NPHP4: variants seen among roughly 807,000 people sequenced by gnomAD.
The protein encoded by NPHP4 is nephrocystin 4, also known as nephrocystin-4.
Under a neutral mutation model 155.8 loss-of-function variants are expected in NPHP4, and 151 were observed. The ratio of observed to expected loss-of-function variants is 0.97; its 90% CI spans 0.85 to 1.11. The LOEUF (loss-of-function observed/expected upper bound fraction) is 1.11, where lower values mean the gene tolerates loss of function less well. Ranked by LOEUF, NPHP4 falls within the 50% of genes least tolerant of loss-of-function variation. The pLI, the probability that NPHP4 is intolerant of heterozygous loss-of-function variation, is 0.00. For synonymous variants in NPHP4, 845 were observed against 816.8 expected (o/e 1.03, Z -0.59); for missense variants, 1,956 against 1,925.7 (o/e 1.02, Z -0.29).
At chr1:5,914,263 A>C (rs1645344234) in intron 11 of NPHP4, among the ~76,000 whole-genome samples, 1 of 127,740 alleles carries the variant, frequency 7.8e-6, no homozygotes, top group African/African-American at 3.9e-5. Context: ...TATACAAAAA[A>C]AAAAAAAAAA....
At chr1:5,961,974 C>CAACT in intron 5 of NPHP4, 25 bp from the exon 6 acceptor site, 1 of 1,575,340 alleles carries the variant, frequency 6.3e-7, no homozygotes, top group Non-Finnish European at 8.7e-7. Flanking sequence ...ACAATGTGAT[C>CAACT]AACTGATAGC....
At chr1:5,964,804 G>C (rs1271198690) in intron 5 of NPHP4, among the ~76,000 whole-genome samples, 1 of 150,344 alleles carries the variant, frequency 6.7e-6, no homozygotes, top group East Asian at 1.9e-4. Context: ...CCTGGTAGCA[G>C]GTGAGGGGAT....
intron 9 of NPHP4, among the ~76,000 whole-genome samples, chr1:5,943,483 G>C (rs920257959): frequency 2.6e-5 from 4 of 152,156 alleles, no homozygotes; most frequent in Admixed American, 6.5e-5. Context: ...CTCCTGATCT[G>C]ATGCATGAGG....
Position 5,864,215 on chromosome 1 carries a change from C to G in NPHP4, c.3996+123G>C, listed in dbSNP as rs1640948391. On this transcript the variant is annotated intron_variant, in intron 28 of 29. Transcript: ENST00000378156. ...AGCACAGGAGCAAACACTCATGCAC[C>G]CGGCCCTGCTGGGTCAGAACACTGT... is the stretch of plus-strand genomic sequence containing the variant. 5.2e-6 allele frequency: 6 copies of G among 1,155,402 alleles called. No homozygotes were observed. The South Asian group carries it at 9.0e-5, about 17-fold the overall frequency. 71.6% of individuals were successfully genotyped at this position (1,155,402 alleles called of 1,614,324 possible). A position where few individuals can be genotyped will look rare whatever the true frequency, so the allele number is the denominator to read the frequency against.
intron 16 of NPHP4, among the ~76,000 whole-genome samples, chr1:5,897,366 T>C (rs1201388862): frequency 6.6e-6 from 1 of 152,108 alleles, no homozygotes; most frequent in Non-Finnish European, 1.5e-5. Flanking sequence ...AGGAGAAACC[T>C]GGGGGTGGGC....
At chr1:5,898,671 T>C (rs888166589) in intron 16 of NPHP4, among the ~76,000 whole-genome samples, 7 of 152,260 alleles carry the variant, frequency 4.6e-5, no homozygotes, top group African/African-American at 1.4e-4. Flanking sequence ...TCTCTGGCAA[T>C]GTCAAATTTT....
At chr1:5,897,939 G>T (rs889319837) in intron 16 of NPHP4, among the ~76,000 whole-genome samples, 2 of 152,204 alleles carry the variant, frequency 1.3e-5, no homozygotes, top group African/African-American at 4.8e-5. Context: ...CCAAAACATG[G>T]CACGGTTTCT....
chr1:5,949,827 A>C (rs1647606081), intron 7 of NPHP4, among the ~76,000 whole-genome samples: 1 of 152,162 alleles, frequency 6.6e-6, no homozygotes, highest in South Asian at 2.1e-4. Context: ...AGGAAGCAGC[A>C]CACAGTGAAG....
intron 23 of NPHP4, among the ~76,000 whole-genome samples, chr1:5,869,518 AG>A (rs1290351519): frequency 6.6e-6 from 1 of 152,244 alleles, no homozygotes; most frequent in Non-Finnish European, 1.5e-5. Flanking sequence ...TAAAATAAAT[AG>A]AAGTGTTAAT....
chr1:5,896,929 G>A (rs1267271942), intron 16 of NPHP4, among the ~76,000 whole-genome samples: 1 of 152,162 alleles, frequency 6.6e-6, no homozygotes, highest in Non-Finnish European at 1.5e-5. Context: ...ATGCATCGAT[G>A]AAGATGCAGG....
chr1:5,921,448 G>A (rs1184995149), intron 11 of NPHP4, among the ~76,000 whole-genome samples: 1 of 152,200 alleles, frequency 6.6e-6, no homozygotes, highest in Non-Finnish European at 1.5e-5. Context: ...TCTTCCCACG[G>A]TGGTAAGAGT....
chr1:5,921,660 C>T (rs1156993149), intron 11 of NPHP4, among the ~76,000 whole-genome samples: 2 of 152,234 alleles, frequency 1.3e-5, no homozygotes, highest in East Asian at 3.8e-4. Flanking sequence ...ACAGCGTTAG[C>T]GATCGCCCAG....
chr1:5,959,050 G>A (rs1400090871), intron 6 of NPHP4, among the ~76,000 whole-genome samples: 1 of 149,902 alleles, frequency 6.7e-6, no homozygotes, highest in African/African-American at 2.5e-5. Context: ...GGGGGGCGGG[G>A]GGGCGGCAGG....
intron 18 of NPHP4, among the ~76,000 whole-genome samples, chr1:5,883,251 C>T (rs1330448187): frequency 5.9e-5 from 9 of 152,186 alleles, no homozygotes; most frequent in Non-Finnish European, 1.3e-4. Context: ...GGCACCAGCA[C>T]TGATGTTCAC....
At chr1:5,880,017 ATGCACACACG>A in intron 19 of NPHP4, 87 bp downstream of exon 19, 2 of 1,376,544 alleles carry the variant, frequency 1.5e-6, no homozygotes, top group Non-Finnish European at 2.0e-6. Flanking sequence ...ACACACACAC[ATGCACACACG>A]CATGCACACA....
chr1:5,947,460 C>T (rs1647167564), intron 8 of NPHP4, among the ~76,000 whole-genome samples: 1 of 152,250 alleles, frequency 6.6e-6, no homozygotes, highest in South Asian at 2.1e-4. Flanking sequence ...CATGACTGGT[C>T]TCAAACTCCT....
At chr1:5,945,324 C>G (rs1013834291) in intron 9 of NPHP4, among the ~76,000 whole-genome samples, 1 of 151,866 alleles carries the variant, frequency 6.6e-6, no homozygotes, top group African/African-American at 2.4e-5. Flanking sequence ...TCCCCATGAG[C>G]CACACCCACC....
intron 6 of NPHP4, 105 bp downstream of exon 6, chr1:5,961,689 C>T (rs1397401237): frequency 2.8e-6 from 3 of 1,084,600 alleles, no homozygotes; most frequent in East Asian, 5.2e-5. Flanking sequence ...TGCAGAGGGG[C>T]GCTCGGCCCA....
At chr1:5,869,418 G>A (rs1159692739) in intron 23 of NPHP4, among the ~76,000 whole-genome samples, 2 of 152,196 alleles carry the variant, frequency 1.3e-5, no homozygotes, top group East Asian at 3.8e-4. Context: ...AGGAGAGAGT[G>A]GGGCAGGGCA....
Sources: gnomAD v4.1 joint callset for allele counts (sites outside exome capture counted in the v4.1 genomes callset) on GRCh38, gnomAD v4.1.1 for gene constraint, MANE v1.5 for transcripts, NCBI Gene and HGNC (gene_info 2026-07-23, HGNC 2026-07-21) for gene names.